Variants in CCDC7 observed in about 807,000 individuals in gnomAD.
CCDC7 encodes coiled-coil domain-containing protein 7.
Under a neutral mutation model 196.9 loss-of-function variants are expected in CCDC7, and 183 were observed. The ratio of observed to expected loss-of-function variants is 0.93; its 90% CI spans 0.82 to 1.05. The LOEUF (loss-of-function observed/expected upper bound fraction) is 1.05. Among genes scored for constraint, CCDC7 ranks in the 50% least tolerant of loss-of-function variants. The pLI is 0.00. For synonymous variants in CCDC7, 525 were observed against 484.6 expected, an observed-to-expected ratio of 1.08 and a Z score of -1.10; for missense variants, 1,540 against 1,482.2, an observed-to-expected ratio of 1.04 and a Z score of -0.64.
chr10:32,736,955 G>C (rs778877805), intron 28 of CCDC7, among the ~76,000 whole-genome samples: 1 of 152,038 alleles, frequency 6.6e-6, no homozygotes, highest in Non-Finnish European at 1.5e-5. Flanking sequence ...AGAAAAAAAA[G>C]CATCTGTTTT....
upstream of CCDC7, among the ~76,000 whole-genome samples, chr10:32,449,442 T>C (rs1246041674): frequency 6.6e-6 from 1 of 152,196 alleles, no homozygotes; most frequent in East Asian, 1.9e-4. Context: ...CGCCTCTGCC[T>C]CCCAAAGTAC....
chr10:32,806,708 G>A (rs933966179), intron 30 of CCDC7, among the ~76,000 whole-genome samples: 5 of 151,832 alleles, frequency 3.3e-5, no homozygotes, highest in African/African-American at 9.7e-5. Context: ...AGAGAGAAAG[G>A]AGCAGAAAAA....
At chr10:32,471,094 G>C in exon 6 of CCDC7, 2 of 1,608,460 alleles carry the variant, frequency 1.2e-6, no homozygotes, top group East Asian at 2.2e-5. Flanking sequence ...TTTACAAGCA[G>C]AGCCTCCAAA....
rs143515750 is a variant in CCDC7 at position 32,747,428 on chromosome 10, C to T, written c.2905+17971C>T. On this transcript the variant is annotated intron_variant, in intron 28 of 41. Transcript: ENST00000639629. ...AGAAACTATCAACAGAGTAAAGAGA[C>T]GACCTATAGAATGGGAGAGAATATG... Among the ~76,000 whole-genome samples the T allele has an allele frequency of 8.7e-3, 1,324 of 152,170 alleles. 11 individuals are homozygous for T. Among genetic ancestry groups the T allele is most frequent in the Non-Finnish European group, 0.011 (761 of 67,992 alleles).
chr10:32,504,123 T>TG (rs1322518881), intron 9 of CCDC7, among the ~76,000 whole-genome samples: 1 of 143,942 alleles, frequency 6.9e-6, no homozygotes, highest in Non-Finnish European at 1.5e-5. Flanking sequence ...TGGTTTTTTT[T>TG]TTTTTTTTTT....
intron 13 of CCDC7, among the ~76,000 whole-genome samples, chr10:32,556,839 T>C (rs1245251502): frequency 6.6e-6 from 1 of 152,218 alleles, no homozygotes; most frequent in East Asian, 1.9e-4. Flanking sequence ...AATTATTTTC[T>C]GTTTATCCCT....
chr10:32,658,376 A>G (rs1340244537), intron 20 of CCDC7, among the ~76,000 whole-genome samples: 1 of 152,174 alleles, frequency 6.6e-6, no homozygotes, highest in Non-Finnish European at 1.5e-5. Flanking sequence ...AGGAGAAGCA[A>G]AGACATCCTC....
chr10:32,573,522 T>C (rs756238530), intron 16 of CCDC7, among the ~76,000 whole-genome samples: 9 of 152,212 alleles, frequency 5.9e-5, no homozygotes, highest in Non-Finnish European at 1.2e-4. Context: ...AGAGGGGTTA[T>C]GATAATGTTA....
intron 18 of CCDC7, among the ~76,000 whole-genome samples, chr10:32,598,775 CTTCATA>C (rs1253119773): frequency 6.6e-6 from 1 of 151,926 alleles, no homozygotes; most frequent in Non-Finnish European, 1.5e-5. Flanking sequence ...AGAAAAGATA[CTTCATA>C]TTCATTTTAA....
intron 24 of CCDC7, among the ~76,000 whole-genome samples, chr10:32,709,439 T>C (rs1296042712): frequency 1.3e-5 from 2 of 152,270 alleles, no homozygotes; most frequent in Non-Finnish European, 2.9e-5. Flanking sequence ...CTGCACGTTA[T>C]GCACATGTAC....
chr10:32,611,457 G>A (rs1402658460), intron 18 of CCDC7, among the ~76,000 whole-genome samples: 1 of 152,142 alleles, frequency 6.6e-6, no homozygotes, highest in African/African-American at 2.4e-5. Flanking sequence ...GGCTTTTGTT[G>A]CCATTGCTTT....
chr10:32,650,536 C>T (rs1168473013), intron 20 of CCDC7, among the ~76,000 whole-genome samples: 1 of 152,146 alleles, frequency 6.6e-6, no homozygotes, highest in Non-Finnish European at 1.5e-5. Context: ...ACAGGGCTCC[C>T]TTAGGGAGAG....
At chr10:32,642,608 G>A (rs1762545) in intron 20 of CCDC7, among the ~76,000 whole-genome samples, 52,370 of 152,090 alleles carry the variant, frequency 0.34, 11,435 homozygotes, top group Non-Finnish European at 0.49. Flanking sequence ...CACTTCCCAG[G>A]TGAGGTGATG....
At chr10:32,451,536 A>G, upstream of CCDC7, 1 of 1,412,544 alleles carries the variant, frequency 7.1e-7, no homozygotes, top group Non-Finnish European at 9.4e-7. Flanking sequence ...GAAATGTAGT[A>G]TGTGAATTTA....
intron 28 of CCDC7, among the ~76,000 whole-genome samples, chr10:32,742,911 G>A (rs1025002066): frequency 6.6e-6 from 1 of 152,182 alleles, no homozygotes; most frequent in Admixed American, 6.5e-5. Context: ...ATAAAGTTGA[G>A]AGATAAAATT....
intron 3 of CCDC7, among the ~76,000 whole-genome samples, chr10:32,461,231 A>C (rs868018553): frequency 6.6e-6 from 1 of 152,282 alleles, no homozygotes; most frequent in Middle Eastern, 3.4e-3. Flanking sequence ...ATATGGTGAA[A>C]GTGCATTTAA....
chr10:32,483,491 G>T (rs540208873), intron 8 of CCDC7, among the ~76,000 whole-genome samples: 25 of 152,262 alleles, frequency 1.6e-4, no homozygotes, highest in African/African-American at 5.8e-4. Flanking sequence ...AAGAAGCTCT[G>T]TAGTTTAATT....
intron 8 of CCDC7, among the ~76,000 whole-genome samples, chr10:32,482,125 A>G (rs2040072976): frequency 6.6e-6 from 1 of 151,698 alleles, no homozygotes; most frequent in South Asian, 2.1e-4. Context: ...AATTCCTATA[A>G]TGTAAATGAT....
At chr10:32,841,905 T>C (rs1243530797) in intron 33 of CCDC7, among the ~76,000 whole-genome samples, 1 of 152,058 alleles carries the variant, frequency 6.6e-6, no homozygotes, top group Non-Finnish European at 1.5e-5. Flanking sequence ...TCAAGCCACA[T>C]GTAGAAGAAT....
Sources: allele counts gnomAD v4.1 joint callset (sites outside exome capture counted in the v4.1 genomes callset), GRCh38; gene constraint gnomAD v4.1.1; transcripts MANE v1.5; gene names NCBI Gene and HGNC (gene_info 2026-07-23, HGNC 2026-07-21).